Variants in RUFY1 observed in about 807,000 individuals in gnomAD.
The protein encoded by RUFY1 is RUN and FYVE domain containing 1.
Under a neutral mutation model 94.6 loss-of-function variants are expected in RUFY1, and 54 were observed. The ratio of observed to expected loss-of-function variants is 0.57; its 90% CI spans 0.46 to 0.72. The LOEUF is 0.72. Ranked by LOEUF, RUFY1 falls within the 30% of genes least tolerant of loss-of-function variation. RUFY1 has a pLI of 0.00. For synonymous variants in RUFY1, 396 were observed against 347.3 expected, an observed-to-expected ratio of 1.14 and a Z score of -1.56; for missense variants, 883 against 883.9, an observed-to-expected ratio of 1.00 and a Z score of 0.01.
Position 179,550,578 on chromosome 5 carries a change from C to G in RUFY1, c.9C>G (p.Asp3Glu), listed in dbSNP as rs1305445604. 1.6e-6 allele frequency: 2 copies of G among 1,237,100 alleles called. No homozygotes were observed. The highest frequency in any genetic ancestry group is 2.0e-6 in the Non-Finnish European group (2 of 982,132). 76.6% of individuals were successfully genotyped at this position (1,237,100 alleles called of 1,614,324 possible). Residue 3 changes from aspartate to glutamate, a missense_variant, in exon 1 of 18, where the codon GAC becomes GAG. Transcript: ENST00000319449. ...CACATGACACGGCCAAGATGGCCGA[C>G]CGGGAAGGCGGCTGCGCTGCTGGGC... Reference protein sequence around the residue: MADREGGCAAGRG... With the variant: MAEREGGCAAGRG...
intron 16 of RUFY1, chr5:179,607,271 T>C (rs1054025792): frequency 1.3e-5 from 5 of 395,608 alleles, no homozygotes. Context: ...TCTGCTTACT[T>C]CAGCCAAAGG....
intron 5 of RUFY1, among the ~76,000 whole-genome samples, chr5:179,574,197 C>G (rs960244700): frequency 6.6e-6 from 1 of 151,928 alleles, no homozygotes; most frequent in Admixed American, 6.6e-5. Context: ...GAGGTTGAGA[C>G]CGCCCTGACC....
intron 4 of RUFY1, among the ~76,000 whole-genome samples, chr5:179,568,565 A>AT (rs1488278110): frequency 1.5e-4 from 23 of 152,314 alleles, no homozygotes; most frequent in Middle Eastern, 6.8e-3. Flanking sequence ...TGAGTTACAG[A>AT]TTTTCTTCTA....
intron 6 of RUFY1, among the ~76,000 whole-genome samples, chr5:179,578,050 T>C (rs1407640612): frequency 2.6e-5 from 4 of 152,182 alleles, no homozygotes; most frequent in Admixed American, 2.0e-4. Context: ...CTTGCCTCCA[T>C]GTCAATCTCA....
chr5:179,564,049 T>C (rs1028082321), intron 3 of RUFY1, among the ~76,000 whole-genome samples: 21 of 151,778 alleles, frequency 1.4e-4, no homozygotes, highest in African/African-American at 5.1e-4. Flanking sequence ...CAATTTCTCA[T>C]ACCCTTCCTG....
In RUFY1 at chr5:179,581,022, CT is replaced by C. The variant is rs145796576; in HGVS notation, c.956+19del. 288 of 1,537,924 alleles carry C rather than the reference CT, an allele frequency of 1.9e-4. No homozygotes were observed. Among genetic ancestry groups the C allele is most frequent in the Admixed American group, 8.4e-4 (47 of 55,972 alleles). ...TTAACCGGCACTTGAGGTAAGACTC[CT>C]TTTTTTTTCAATGTGACAGTTACAT... On this transcript the variant is annotated intron_variant, in intron 7 of 17. Transcript: ENST00000319449.
chr5:179,594,306 A>G (rs1205161342), intron 11 of RUFY1, among the ~76,000 whole-genome samples: 48 of 105,188 alleles, frequency 4.6e-4, no homozygotes, highest in East Asian at 8.9e-4. Flanking sequence ...ACTCGGGGGA[A>G]AAAAAAAAAA....
chr5:179,563,180 C>T (rs982536496), intron 3 of RUFY1, among the ~76,000 whole-genome samples: 5 of 152,130 alleles, frequency 3.3e-5, no homozygotes, highest in African/African-American at 1.2e-4. Flanking sequence ...CTTAGGGATC[C>T]TTGAGCCAAT....
chr5:179,590,170 A>G lies in RUFY1; in HGVS notation c.1128+523A>G, dbSNP rs551573837. Among the ~76,000 whole-genome samples the G allele has an allele frequency of 8.5e-5, 13 of 152,048 alleles. No homozygotes were observed. In the South Asian group the frequency reaches 2.3e-3, roughly 27 times the overall value. ...AGATCGAGACTGTCCTGGCTAACACAGTGAAACCCCGTCTCTACTAAAAAT... is the reference window on the plus strand; with the variant it reads ...AGATCGAGACTGTCCTGGCTAACACGGTGAAACCCCGTCTCTACTAAAAAT... On this transcript the variant is annotated intron_variant, in intron 9 of 17. Coordinates refer to ENST00000319449, the MANE Select transcript of RUFY1 (RefSeq NM_025158.5).
At chr5:179,606,612 A>G (rs1767113191) in intron 16 of RUFY1, 1 of 152,596 alleles carries the variant, frequency 6.6e-6, no homozygotes, top group Non-Finnish European at 1.5e-5. Flanking sequence ...GGTGCAGAGC[A>G]GGGACCCTGA....
chr5:179,555,083 TTTTCACGCAA>T (rs1762043251), intron 1 of RUFY1, among the ~76,000 whole-genome samples: 1 of 152,242 alleles, frequency 6.6e-6, no homozygotes, highest in Non-Finnish European at 1.5e-5. Context: ...ACACTGGCTG[TTTTCACGCAA>T]GCAATAGGAT....
intron 7 of RUFY1, among the ~76,000 whole-genome samples, chr5:179,584,392 A>G (rs997864295): frequency 3.3e-5 from 5 of 152,148 alleles, no homozygotes; most frequent in Non-Finnish European, 5.9e-5. Flanking sequence ...GAATTCTTTT[A>G]TATAAAATTA....
At chr5:179,559,340 A>G (rs1180748506) in intron 1 of RUFY1, among the ~76,000 whole-genome samples, 1 of 152,260 alleles carries the variant, frequency 6.6e-6, no homozygotes, top group Non-Finnish European at 1.5e-5. Context: ...ATTTGACTCC[A>G]ACGGTTTTCC....
chr5:179,603,263 CT>C (rs1190252821), intron 15 of RUFY1, among the ~76,000 whole-genome samples: 1 of 47,192 alleles, frequency 2.1e-5, no homozygotes, highest in East Asian at 1.5e-3. Flanking sequence ...GAGAATCCAT[CT>C]CAAAAAAAAA....
At chr5:179,563,679 CCTT>C (rs1239960628) in intron 3 of RUFY1, among the ~76,000 whole-genome samples, 1 of 152,060 alleles carries the variant, frequency 6.6e-6, no homozygotes, top group African/African-American at 2.4e-5. Flanking sequence ...TATTTCATGA[CCTT>C]TTTTTTTTTG....
chr5:179,580,567 T>C (rs1406006790), intron 6 of RUFY1, among the ~76,000 whole-genome samples: 1 of 151,254 alleles, frequency 6.6e-6, no homozygotes, highest in East Asian at 1.9e-4. Context: ...TTTTTTTTAA[T>C]CCAAACTGGC....
At chr5:179,555,322 C>T (rs923898795) in intron 1 of RUFY1, among the ~76,000 whole-genome samples, 1 of 151,932 alleles carries the variant, frequency 6.6e-6, no homozygotes, top group Non-Finnish European at 1.5e-5. Context: ...TAGAACTTCA[C>T]GATATTCTCT....
intron 16 of RUFY1, chr5:179,607,188 C>A: frequency 4.2e-6 from 1 of 238,620 alleles, no homozygotes; most frequent in Non-Finnish European, 8.3e-6. Context: ...CCTTCTTCCG[C>A]GCCTGCCAGT....
intron 3 of RUFY1, among the ~76,000 whole-genome samples, chr5:179,565,987 A>T (rs1392955875): frequency 6.6e-6 from 1 of 151,994 alleles, no homozygotes; most frequent in Non-Finnish European, 1.5e-5. Flanking sequence ...ACAAAAAAAA[A>T]AAATTAGTTG....
Sources: allele counts gnomAD v4.1 joint callset (sites outside exome capture counted in the v4.1 genomes callset), GRCh38; gene constraint gnomAD v4.1.1; transcripts MANE v1.5; gene names NCBI Gene and HGNC (gene_info 2026-07-23, HGNC 2026-07-21).